ATRNL1: variants seen among roughly 807,000 people sequenced by gnomAD.
ATRNL1 encodes attractin-like protein 1.
A neutral mutation model predicts 182.7 loss-of-function variants in ATRNL1; 95 were observed. That is an observed-to-expected ratio of 0.52 (90% CI 0.44 to 0.62). The LOEUF (loss-of-function observed/expected upper bound fraction) is 0.62. Ranked by LOEUF, ATRNL1 falls within the 20% of genes least tolerant of loss-of-function variation. The pLI is 0.00. For missense variants in ATRNL1, 1,471 were observed against 1,679.5 expected (o/e 0.88, Z 2.17); for synonymous variants, 576 against 568.3 (o/e 1.01, Z -0.19).
At chr10:115,713,451 G>GTGTGTGTGTGTGTGTT (rs1555055215) in intron 26 of ATRNL1, among the ~76,000 whole-genome samples, 78 of 85,106 alleles carry the variant, frequency 9.2e-4, no homozygotes, top group Middle Eastern at 6.7e-3. Context: ...GGCTGTGTGT[G>GTGTGTGTGTGTGTGTT]TGTGTGTGTG....
chr10:115,623,927 C>G (rs570643615), intron 26 of ATRNL1, among the ~76,000 whole-genome samples: 1 of 152,004 alleles, frequency 6.6e-6, no homozygotes, highest in East Asian at 1.9e-4. Context: ...GCCTAGGGCT[C>G]AGGATATTTT....
intron 19 of ATRNL1, among the ~76,000 whole-genome samples, chr10:115,352,571 C>A (rs1554941731): frequency 6.6e-6 from 1 of 151,902 alleles, no homozygotes; most frequent in Non-Finnish European, 1.5e-5. Context: ...GTTTCATTTC[C>A]ATATATTTGT....
At chr10:115,898,672 C>T (rs1952269953) in intron 28 of ATRNL1, among the ~76,000 whole-genome samples, 2 of 152,186 alleles carry the variant, frequency 1.3e-5, no homozygotes, top group South Asian at 4.1e-4. Context: ...CACTCTGCAT[C>T]TGTCCTAAAC....
intron 28 of ATRNL1, among the ~76,000 whole-genome samples, chr10:115,902,381 C>A (rs1952381440): frequency 6.6e-6 from 1 of 152,106 alleles, no homozygotes; most frequent in South Asian, 2.1e-4. Context: ...TTTTTAAAAG[C>A]CGCATAGTGT....
chr10:115,632,303 T>C (rs1448960860), intron 26 of ATRNL1, among the ~76,000 whole-genome samples: 2 of 151,978 alleles, frequency 1.3e-5, no homozygotes, highest in Non-Finnish European at 2.9e-5. Context: ...GTGGATCCAA[T>C]AAATGTTGCA....
At chr10:115,547,037 T>C (rs1474924333) in intron 25 of ATRNL1, among the ~76,000 whole-genome samples, 1 of 152,016 alleles carries the variant, frequency 6.6e-6, no homozygotes, top group Non-Finnish European at 1.5e-5. Context: ...GCAGATCACC[T>C]GAGGTCATGA....
intron 8 of ATRNL1, among the ~76,000 whole-genome samples, chr10:115,214,067 C>CACACACACACACACACAT (rs1297035795): frequency 6.7e-6 from 1 of 150,014 alleles, no homozygotes; most frequent in Non-Finnish European, 1.5e-5. Context: ...CACACACACA[C>CACACACACACACACACAT]ATATATATAA....
intron 9 of ATRNL1, among the ~76,000 whole-genome samples, chr10:115,235,846 C>A (rs1432294608): frequency 6.6e-6 from 1 of 151,924 alleles, no homozygotes; most frequent in Non-Finnish European, 1.5e-5. Flanking sequence ...TCTTGTTAAA[C>A]CTTTACATAA....
chr10:115,415,884 T>C (rs74158313), intron 20 of ATRNL1, among the ~76,000 whole-genome samples: 237 of 152,142 alleles, frequency 1.6e-3, no homozygotes, highest in African/African-American at 5.5e-3. Context: ...TTGAGCCTGT[T>C]TCTGGAATTT....
chr10:115,359,586 T>C (rs1420488256), intron 19 of ATRNL1, among the ~76,000 whole-genome samples: 2 of 151,550 alleles, frequency 1.3e-5, no homozygotes, highest in African/African-American at 4.8e-5. Flanking sequence ...TGGTTTTAAT[T>C]ATTATAGATG....
chr10:115,508,811 A>G (rs569174225), intron 24 of ATRNL1, among the ~76,000 whole-genome samples: 1 of 152,204 alleles, frequency 6.6e-6, no homozygotes, highest in Admixed American at 6.6e-5. Context: ...GAGGTGAAGC[A>G]GTAAGTGCTG....
At chr10:115,922,873 G>C (rs1953108503) in intron 28 of ATRNL1, among the ~76,000 whole-genome samples, 1 of 152,168 alleles carries the variant, frequency 6.6e-6, no homozygotes, top group African/African-American at 2.4e-5. Context: ...CAAAGACCCA[G>C]TGGGATCAAA....
At chr10:115,484,636 A>C (rs1848933671) in intron 24 of ATRNL1, among the ~76,000 whole-genome samples, 1 of 151,830 alleles carries the variant, frequency 6.6e-6, no homozygotes, top group South Asian at 2.1e-4. Flanking sequence ...ATCTTAGCTT[A>C]TATTTATTCT....
chr10:115,198,112 C>T (rs1435803273), intron 8 of ATRNL1, among the ~76,000 whole-genome samples: 1 of 152,060 alleles, frequency 6.6e-6, no homozygotes, highest in African/African-American at 2.4e-5. Flanking sequence ...CCATAATGGG[C>T]GTACTTCTTC....
intron 28 of ATRNL1, among the ~76,000 whole-genome samples, chr10:115,851,121 A>AT (rs66505050): frequency 0.75 from 114,054 of 151,118 alleles, 43,033 homozygotes; most frequent in Admixed American, 0.81. Context: ...GCTTACTAAA[A>AT]TTTTTTTTTT....
At chr10:115,239,032 G>T (rs1850300859) in intron 9 of ATRNL1, among the ~76,000 whole-genome samples, 1 of 151,992 alleles carries the variant, frequency 6.6e-6, no homozygotes, top group South Asian at 2.1e-4. Context: ...TGAATCAATT[G>T]ACTTTGAATG....
intron 26 of ATRNL1, among the ~76,000 whole-genome samples, chr10:115,713,326 A>T (rs547786368): frequency 6.6e-6 from 1 of 152,302 alleles, no homozygotes; most frequent in South Asian, 2.1e-4. Context: ...ATTAACATAC[A>T]TAAAAATCCA....
chr10:115,895,931 A>G (rs2134475173), intron 28 of ATRNL1, among the ~76,000 whole-genome samples: 1 of 152,332 alleles, frequency 6.6e-6, no homozygotes, highest in South Asian at 2.1e-4. Context: ...ATGAATGTGG[A>G]AAGGATGGCT....
Position 115,583,324 on chromosome 10 carries a change from T to C in ATRNL1, c.3795+33788T>C, listed in dbSNP as rs527329992. 1.9e-5 allele frequency among the ~76,000 whole-genome samples: 2 copies of C among 106,644 alleles called. 1 individual carries two copies. The highest frequency in any genetic ancestry group is 4.2e-5 in the Non-Finnish European group (2 of 47,934). The allele number at this position is 106,644 out of a possible 152,430, so 70.0% of individuals were successfully genotyped here. Reference sequence around the variant, plus strand: ...TGATGGGGATGGCATTGAATCTATCTGTAAATTACCTTGGGCAGTATGGCC... The same window carrying C: ...TGATGGGGATGGCATTGAATCTATCCGTAAATTACCTTGGGCAGTATGGCC... On this transcript the variant is annotated intron_variant, in intron 26 of 28. Coordinates refer to ENST00000355044, the MANE Select transcript of ATRNL1 (RefSeq NM_207303.4).
Sources: gnomAD v4.1 joint callset for allele counts (sites outside exome capture counted in the v4.1 genomes callset) on GRCh38, gnomAD v4.1.1 for gene constraint, MANE v1.5 for transcripts, NCBI Gene and HGNC (gene_info 2026-07-23, HGNC 2026-07-21) for gene names.